The following TBC1D1 variants were observed in gnomAD, a reference collection of about 807,000 sequenced individuals.
TBC1D1 encodes the protein TBC1 (tre-2/USP6, BUB2, cdc16) domain family, member 1.
A neutral mutation model predicts 125.6 loss-of-function variants in TBC1D1; 89 were observed. That is an observed-to-expected ratio of 0.71 (90% confidence interval 0.60 to 0.85). The LOEUF is 0.85. TBC1D1 is among the 40% of genes least tolerant of loss of function. TBC1D1 has a pLI of 0.00. For synonymous variants in TBC1D1, 565 were observed against 564.1 expected (o/e 1.00, Z -0.02); for missense variants, 1,377 against 1,469.2 (o/e 0.94, Z 1.03).
intron 7 of TBC1D1, among the ~76,000 whole-genome samples, chr4:38,031,702 A>G (rs924791945): frequency 6.6e-6 from 1 of 152,158 alleles, no homozygotes; most frequent in Non-Finnish European, 1.5e-5. Context: ...ATCAGAGCAC[A>G]TTTCAGTTGC....
chr4:37,928,613 A>G (rs147790797), intron 2 of TBC1D1, among the ~76,000 whole-genome samples: 148 of 152,308 alleles, frequency 9.7e-4, no homozygotes, highest in Middle Eastern at 3.4e-3. Flanking sequence ...CAGTGGGTAT[A>G]CTTTTGAAAA....
chr4:37,949,761 T>G (rs1727450725), intron 2 of TBC1D1, among the ~76,000 whole-genome samples: 1 of 152,224 alleles, frequency 6.6e-6, no homozygotes, highest in African/African-American at 2.4e-5. Flanking sequence ...GTAGCAACTA[T>G]TCAACTCTGC....
intron 15 of TBC1D1, among the ~76,000 whole-genome samples, chr4:38,109,743 G>A (rs1462941609): frequency 6.6e-6 from 1 of 152,182 alleles, no homozygotes. Context: ...CTGCACTCTG[G>A]GAAGCACACG....
intron 2 of TBC1D1, among the ~76,000 whole-genome samples, chr4:37,990,124 G>A (rs866040177): frequency 2.0e-5 from 3 of 152,184 alleles, no homozygotes; most frequent in Admixed American, 6.5e-5. Context: ...TTTTTGAGAC[G>A]TTATTTGCTT....
rs1282874152 is a variant in TBC1D1 at position 37,995,699 on chromosome 4, C to T, written c.418-18810C>T. The T allele has an allele frequency of 5.7e-6, 3 of 523,678 alleles. No homozygotes were observed. The highest frequency in any genetic ancestry group is 1.1e-4 in the East Asian group (2 of 18,650). The allele number at this position is 523,678 out of a possible 1,614,324, so 32.4% of individuals were successfully genotyped here. On this transcript the variant is annotated intron_variant, in intron 2 of 19. Coordinates refer to ENST00000261439, the MANE Select transcript of TBC1D1 (RefSeq NM_015173.4). This position sits in a 1 kb window ranked among gnomAD's most constrained non-coding sequence, Gnocchi z 4.3. ...TTGGAGGCCTTGGCCACAGCATCCC[C>T]GTGTTCTGAGAAGTATTTGGAAATG... is the stretch of plus-strand genomic sequence containing the variant.
intron 6 of TBC1D1, among the ~76,000 whole-genome samples, chr4:38,026,233 T>C (rs1745062273): frequency 6.6e-6 from 1 of 152,190 alleles, no homozygotes; most frequent in African/African-American, 2.4e-5. Flanking sequence ...GGAAAAAGAA[T>C]GTCTTTCTGG....
intron 6 of TBC1D1, 115 bp from the exon 7 acceptor site, chr4:38,027,673 C>T (rs1745329445): frequency 3.6e-6 from 2 of 548,668 alleles, no homozygotes; most frequent in Non-Finnish European, 6.4e-6. Flanking sequence ...TTCCTAAAAC[C>T]TTGGAAGTCT....
intron 2 of TBC1D1, among the ~76,000 whole-genome samples, chr4:37,923,284 T>C (rs146741467): frequency 6.6e-6 from 1 of 152,360 alleles, no homozygotes; most frequent in African/African-American, 2.4e-5. Flanking sequence ...GGACATGAAC[T>C]CATCCTTTTT....
intron 2 of TBC1D1, among the ~76,000 whole-genome samples, chr4:37,951,056 C>T (rs1245723073): frequency 1.3e-5 from 2 of 152,250 alleles, no homozygotes; most frequent in African/African-American, 2.4e-5. Flanking sequence ...TGAGCCACTG[C>T]GCCTGGCCTA....
At chr4:37,991,318 G>A (rs938991794) in intron 2 of TBC1D1, among the ~76,000 whole-genome samples, 25 of 152,196 alleles carry the variant, frequency 1.6e-4, no homozygotes, top group African/African-American at 5.3e-4. Context: ...TTGGGTGTGG[G>A]TGTTAAGAAC....
chr4:38,107,487 A>G (rs1761516747), intron 15 of TBC1D1, among the ~76,000 whole-genome samples: 1 of 151,070 alleles, frequency 6.6e-6, no homozygotes, highest in Non-Finnish European at 1.5e-5. Flanking sequence ...GAAGAACAGA[A>G]TGGTTGGTTG....
At chr4:37,893,812 T>C (rs777595704) in intron 1 of TBC1D1, among the ~76,000 whole-genome samples, 14 of 152,074 alleles carry the variant, frequency 9.2e-5, no homozygotes, top group African/African-American at 1.4e-4. Flanking sequence ...AGCAGAGTAG[T>C]GTTGGGGTTT....
At chr4:37,962,156 C>A (rs916037789) in intron 2 of TBC1D1, among the ~76,000 whole-genome samples, 1 of 152,200 alleles carries the variant, frequency 6.6e-6, no homozygotes, top group Non-Finnish European at 1.5e-5. Flanking sequence ...CTGTGGTGGG[C>A]TGCTCCAAGT....
At chr4:37,928,362 C>T (rs1026530271) in intron 2 of TBC1D1, among the ~76,000 whole-genome samples, 2 of 152,226 alleles carry the variant, frequency 1.3e-5, no homozygotes, top group Non-Finnish European at 1.5e-5. Context: ...TTTTGTTTTA[C>T]ACACTTTTGG....
rs375716751 is a variant in TBC1D1, at chr4:37,955,783, A to C, written c.417+53271A>C. On this transcript the variant is annotated intron_variant, in intron 2 of 19. Transcript: ENST00000261439. ...GTGGTCCAAGAATAAGCAGTGTTTA[A>C]GAGAGCTTTACCTCAAAGTTTACAC... 3.3e-5 allele frequency among the ~76,000 whole-genome samples: 5 copies of C among 152,202 alleles called. No individual in the cohort carries two copies. In the South Asian group the frequency reaches 6.2e-4, roughly 19 times the overall value.
intron 4 of TBC1D1, among the ~76,000 whole-genome samples, chr4:38,019,355 A>G (rs549914378): frequency 1.3e-5 from 2 of 152,308 alleles, no homozygotes; most frequent in African/African-American, 4.8e-5. Context: ...TTGCTAAATC[A>G]TATTTCCTTA....
At chr4:37,893,554 C>T (rs935930320) in intron 1 of TBC1D1, among the ~76,000 whole-genome samples, 2 of 151,966 alleles carry the variant, frequency 1.3e-5, no homozygotes, top group African/African-American at 4.8e-5. Flanking sequence ...CATGGTGGCT[C>T]ATGCCTGTAA....
chr4:38,131,076 G>A (rs1435037486), intron 18 of TBC1D1, among the ~76,000 whole-genome samples: 3 of 152,164 alleles, frequency 2.0e-5, no homozygotes, highest in Non-Finnish European at 2.9e-5. Context: ...CAGAATGAAG[G>A]GCCTAGGAGT....
Position 38,064,944 on chromosome 4 carries a change from T to G in TBC1D1, c.2050+10606T>G, listed in dbSNP as rs200737774. Among the ~76,000 whole-genome samples, 43 of 150,682 alleles carry G rather than the reference T, an allele frequency of 2.9e-4. No homozygotes were observed. In the East Asian group the frequency reaches 8.4e-3, roughly 30 times the overall value. ...CCAGCCTACATTTCTTTTTTTTTTTTCTTTGAGATGGAGTCTTGCTCTGTC... is the reference window on the plus strand; with the variant it reads ...CCAGCCTACATTTCTTTTTTTTTTTGCTTTGAGATGGAGTCTTGCTCTGTC... On this transcript the variant is annotated intron_variant, in intron 12 of 19. Transcript: ENST00000261439.
Sources: gnomAD v4.1 joint callset for allele counts (sites outside exome capture counted in the v4.1 genomes callset) on GRCh38, gnomAD v4.1.1 for gene constraint, Gnocchi (gnomAD v3.1) non-coding constraint, MANE v1.5 for transcripts, NCBI Gene and HGNC (gene_info 2026-07-23, HGNC 2026-07-21) for gene names.